The following PSD3 variants were observed in gnomAD, a reference collection of about 807,000 sequenced individuals.
PSD3 encodes PH and SEC7 domain-containing protein 3.
Under a neutral mutation model 105.5 loss-of-function variants are expected in PSD3, and 49 were observed. That is an observed-to-expected ratio of 0.46 (90% CI 0.37 to 0.59). The LOEUF (loss-of-function observed/expected upper bound fraction) is 0.59. PSD3 is among the 20% of genes least tolerant of loss of function. The pLI, the probability that PSD3 is intolerant of heterozygous loss-of-function variation, is 0.00. For synonymous variants in PSD3, 557 were observed against 457.8 expected (o/e 1.22, Z -2.77); for missense variants, 1,561 against 1,263.8 (o/e 1.24, Z -3.57).
rs557965796 is a variant in PSD3, at chr8:18,906,574, G to C, written c.130+29460C>G. Among the ~76,000 whole-genome samples, 78 of 152,206 alleles carry C rather than the reference G, an allele frequency of 5.1e-4. 1 individual carries two copies. In the South Asian group the frequency reaches 0.016, roughly 31 times the overall value. ...CATGTATATGAGGGGCACAAACACAGGTTTTGTAGGGACAATATATATGAT... is the reference window on the plus strand; with the variant it reads ...CATGTATATGAGGGGCACAAACACACGTTTTGTAGGGACAATATATATGAT... On this transcript the variant is annotated intron_variant, in intron 2 of 15. Transcript: ENST00000327040.
At chr8:19,071,129 G>A (rs745369810) in intron 1 of PSD3, among the ~76,000 whole-genome samples, 3 of 151,604 alleles carry the variant, frequency 2.0e-5, no homozygotes, top group Admixed American at 6.6e-5. Context: ...GTGCAATCTC[G>A]GCTCACTGCA....
rs534730441 is a variant in PSD3 at position 18,870,941 on chromosome 8, G to A, written c.1238+685C>T. On this transcript the variant is annotated intron_variant, in intron 3 of 15. Transcript: ENST00000327040. ...AAGTGGGACCCCATCTCTACAAAGA[G>A]TACAAAAGTTGGCCAGGTGTGGTGG... Among the ~76,000 whole-genome samples, 8 of 152,158 alleles carry A rather than the reference G, an allele frequency of 5.3e-5. No individual in the cohort carries two copies. The East Asian group carries it at 1.6e-3, about 30-fold the overall frequency.
intron 8 of PSD3, among the ~76,000 whole-genome samples, chr8:18,789,687 C>G (rs1352233179): frequency 6.6e-6 from 1 of 152,124 alleles, no homozygotes; most frequent in Non-Finnish European, 1.5e-5. Context: ...TGTCAAATTA[C>G]AAGGACTAAC....
At chr8:18,762,942 AC>A in intron 9 of PSD3, 1 of 1,283,614 alleles carries the variant, frequency 7.8e-7, no homozygotes, top group South Asian at 1.2e-5. Context: ...ATGGAGAAAG[AC>A]ACCTCCAATA....
intron 1 of PSD3, among the ~76,000 whole-genome samples, chr8:18,970,345 A>AAGT (rs1554556373): frequency 6.9e-6 from 1 of 145,132 alleles, no homozygotes; most frequent in African/African-American, 2.8e-5. Flanking sequence ...AAAAAAAAAA[A>AAGT]AAACAAAGAA....
chr8:18,664,896 C>T (rs1289068805), intron 9 of PSD3, among the ~76,000 whole-genome samples: 7 of 152,308 alleles, frequency 4.6e-5, no homozygotes, highest in Admixed American at 4.6e-4. Flanking sequence ...GCCAGGATGG[C>T]AGCATATCTG....
chr8:18,913,564 G>A (rs1198958611), intron 2 of PSD3, among the ~76,000 whole-genome samples: 1 of 151,518 alleles, frequency 6.6e-6, no homozygotes, highest in African/African-American at 2.4e-5. Context: ...ACAGAACCAA[G>A]GATCCAGGCC....
At chr8:18,648,650 A>G (rs1023424166) in intron 10 of PSD3, among the ~76,000 whole-genome samples, 3 of 152,366 alleles carry the variant, frequency 2.0e-5, no homozygotes, top group Middle Eastern at 6.8e-3. Context: ...AAGGCAGGCA[A>G]GTGCTGATAG....
At chr8:18,587,110 GAC>G (rs1803247047) in intron 12 of PSD3, among the ~76,000 whole-genome samples, 1 of 152,130 alleles carries the variant, frequency 6.6e-6, no homozygotes, top group Non-Finnish European at 1.5e-5. Context: ...AAGAAGGAGA[GAC>G]ATTTCTGCTA....
chr8:18,786,968 T>A (rs532515856), intron 8 of PSD3: 11 of 152,314 alleles, frequency 7.2e-5, no homozygotes, highest in African/African-American at 2.4e-4. Context: ...AAAAGTAAAA[T>A]GAAGTCTTTG....
intron 1 of PSD3, among the ~76,000 whole-genome samples, chr8:19,048,707 G>A (rs896337948): frequency 6.6e-6 from 1 of 152,182 alleles, no homozygotes; most frequent in Admixed American, 6.5e-5. Flanking sequence ...GTCACTGTTA[G>A]AATCCAATGG....
At chr8:18,591,709 T>C (rs1265464136) in intron 12 of PSD3, among the ~76,000 whole-genome samples, 4 of 152,150 alleles carry the variant, frequency 2.6e-5, no homozygotes. Context: ...GCATCCAGCA[T>C]TCTGGCTTTT....
intron 1 of PSD3, among the ~76,000 whole-genome samples, chr8:19,003,708 C>T (rs76113926): frequency 0.12 from 18,006 of 145,552 alleles, 1,297 homozygotes; most frequent in Non-Finnish European, 0.16. Context: ...GTGAGCCTGG[C>T]TTAAATTTTT....
chr8:18,787,968 G>C (rs1416047140), intron 8 of PSD3, among the ~76,000 whole-genome samples: 3 of 152,172 alleles, frequency 2.0e-5, no homozygotes, highest in Non-Finnish European at 2.9e-5. Context: ...TTTAGGCTTT[G>C]CAAGTCATAT....
chr8:18,929,011 A>G (rs1189070162), intron 2 of PSD3, among the ~76,000 whole-genome samples: 1 of 152,160 alleles, frequency 6.6e-6, no homozygotes, highest in Non-Finnish European at 1.5e-5. Context: ...AAATGTTCTA[A>G]AGTGGCCTGT....
intron 9 of PSD3, among the ~76,000 whole-genome samples, chr8:18,724,088 A>G (rs1313382710): frequency 6.6e-6 from 1 of 152,190 alleles, no homozygotes; most frequent in African/African-American, 2.4e-5. Context: ...AAGAAGAATG[A>G]AAATACTAAA....
chr8:18,752,571 ATATAAT>A (rs1805649888), intron 9 of PSD3, among the ~76,000 whole-genome samples: 2 of 82,280 alleles, frequency 2.4e-5, no homozygotes, highest in Non-Finnish European at 4.1e-5. Context: ...TATATTATAT[ATATAAT>A]TATATATATT....
intron 9 of PSD3, among the ~76,000 whole-genome samples, chr8:18,729,920 T>C (rs562753080): frequency 3.3e-5 from 5 of 152,340 alleles, no homozygotes; most frequent in Non-Finnish European, 7.3e-5. Context: ...GTAAAAACTC[T>C]TATTTATCAC....
At chr8:18,844,031 C>A (rs1339785367) in intron 4 of PSD3, among the ~76,000 whole-genome samples, 2 of 151,372 alleles carry the variant, frequency 1.3e-5, no homozygotes, top group African/African-American at 4.9e-5. Context: ...AGGTTCTGTC[C>A]ATTGGGTTTT....
Sources: gnomAD v4.1 joint callset for allele counts (sites outside exome capture counted in the v4.1 genomes callset) on GRCh38, gnomAD v4.1.1 for gene constraint, MANE v1.5 for transcripts, NCBI Gene and HGNC (gene_info 2026-07-23, HGNC 2026-07-21) for gene names.